SLC1A3: variants seen among roughly 807,000 people sequenced by gnomAD.
The protein encoded by SLC1A3 is excitatory amino acid transporter 1.
SLC1A3 carries 21 observed loss-of-function variants against 48.1 expected under a neutral mutation model. That is an observed-to-expected ratio of 0.44 (90% confidence interval 0.31 to 0.63). The LOEUF is 0.63. Among genes scored for constraint, SLC1A3 ranks in the 20% least tolerant of loss-of-function variants. The pLI is 0.08. For missense variants in SLC1A3, 546 were observed against 689.0 expected (o/e 0.79, Z 2.32); for synonymous variants, 239 against 251.4 (o/e 0.95, Z 0.47).
chr5:36,685,424 C>T (rs1198900276), intron 9 of SLC1A3, among the ~76,000 whole-genome samples: 3 of 152,196 alleles, frequency 2.0e-5, no homozygotes, highest in Middle Eastern at 3.4e-3. Flanking sequence ...TTAGAGGCGC[C>T]CGCCACCACG....
At chr5:36,677,298 C>A in intron 6 of SLC1A3, 114 bp downstream of exon 6, 2 of 846,374 alleles carry the variant, frequency 2.4e-6, no homozygotes, top group South Asian at 1.6e-5. Context: ...AGTTATCTCA[C>A]TCTGGTAAGC....
rs1346862815 is a variant in SLC1A3 at position 36,680,451 on chromosome 5, A to C, written c.1151A>C (p.Lys384Thr). 2 of 1,614,222 alleles carry C rather than the reference A, an allele frequency of 1.2e-6. No homozygotes were observed. The highest frequency in any genetic ancestry group is 1.1e-5 in the South Asian group (1 of 91,086). The change falls in exon 8 of 10, where the codon AAG becomes ACG. Residue 384 changes from lysine (K) to threonine (T), a missense_variant. By Grantham distance (78) the Lys-to-Thr change is moderately conservative. Transcript: ENST00000265113. ...KCLEENNGVD[K>T]RVTRFVLPVG... Reference sequence around the variant, plus strand: ...CTGGAAGAGAACAATGGCGTGGACAAGCGCGTCACCAGATTCGTGCTCCCC... The same window carrying C: ...CTGGAAGAGAACAATGGCGTGGACACGCGCGTCACCAGATTCGTGCTCCCC...
Position 36,679,633 on chromosome 5 carries a change from C to T in SLC1A3, c.867C>T (p.Ala289=). The T allele has an allele frequency of 6.2e-7, 1 of 1,611,762 alleles. No homozygotes were observed. The highest frequency in any genetic ancestry group is 1.1e-5 in the South Asian group (1 of 91,016). The change falls in exon 7 of 10, where the codon GCC becomes GCT. Residue 289 remains alanine, a synonymous_variant. Transcript: ENST00000265113. ...MRLVAVIMWY[A]PVGILFLIAG... ...TGGTGTTGCTTCTCCCCAGGTATGC[C>T]CCCGTGGGTATTCTCTTCCTGATTG...
intron 3 of SLC1A3, chr5:36,669,921 C>G (rs1290583667): frequency 2.0e-5 from 3 of 150,648 alleles, no homozygotes; most frequent in Admixed American, 6.6e-5. Context: ...ACAGCATAAC[C>G]TTTTAATACA....
chr5:36,676,814 AG>A, intron 5 of SLC1A3, 77 bp from the exon 6 acceptor site: 5 of 1,106,906 alleles, frequency 4.5e-6, no homozygotes, highest in Non-Finnish European at 5.2e-6. Flanking sequence ...TAATCATTTT[AG>A]AAAATTTGAC....
intron 2 of SLC1A3, among the ~76,000 whole-genome samples, chr5:36,610,354 C>T (rs1739143763): frequency 6.6e-6 from 1 of 152,200 alleles, no homozygotes; most frequent in Non-Finnish European, 1.5e-5. Context: ...TACAGTTCTC[C>T]TATAGACCAT....
intron 2 of SLC1A3, chr5:36,609,076 G>A (rs561222784): frequency 2.5e-5 from 25 of 988,930 alleles, no homozygotes; most frequent in Non-Finnish European, 3.0e-5. Context: ...CTTAGGCACA[G>A]AGACCGAATA....
At chr5:36,673,480 T>C (rs1580030320) in intron 4 of SLC1A3, among the ~76,000 whole-genome samples, 1 of 152,276 alleles carries the variant, frequency 6.6e-6, no homozygotes, top group East Asian at 1.9e-4. Context: ...AAGTAACAAG[T>C]CCTGCCACAT....
rs6861465 is a variant in SLC1A3 at position 36,638,124 on chromosome 5, G to T, written c.319+8537G>T. 2.7e-3 allele frequency among the ~76,000 whole-genome samples: 406 copies of T among 152,254 alleles called. 6 individuals are homozygous for T. Among genetic ancestry groups the T allele is most frequent in the African/African-American group, 9.5e-3 (395 of 41,546 alleles). On this transcript the variant is annotated intron_variant, in intron 3 of 9. Transcript: ENST00000265113. Reference sequence around the variant, plus strand: ...GGCTTTCCCCTGCTAATACAGGGTCGCAGAGGTGTAGATACGTTTCCACCT... The same window carrying T: ...GGCTTTCCCCTGCTAATACAGGGTCTCAGAGGTGTAGATACGTTTCCACCT...
intron 2 of SLC1A3, among the ~76,000 whole-genome samples, chr5:36,615,148 C>T (rs1336713324): frequency 6.6e-6 from 1 of 152,108 alleles, no homozygotes; most frequent in East Asian, 1.9e-4. Context: ...ATGTCTGGGA[C>T]GCAGCTAAGA....
intron 9 of SLC1A3, 57 bp downstream of exon 9, chr5:36,684,055 C>G: frequency 6.2e-7 from 1 of 1,607,018 alleles, no homozygotes; most frequent in Non-Finnish European, 8.5e-7. Context: ...CTCTGTCACT[C>G]TAGGGCACCA....
Position 36,645,319 on chromosome 5 carries a change from C to CTTTTTTTTTTTTTTTTTTTTT in SLC1A3, c.319+15741_319+15761dup, listed in dbSNP as rs68027582. Among the ~76,000 whole-genome samples, 20 of 84,272 alleles carry CTTTTTTTTTTTTTTTTTTTTT rather than the reference C, an allele frequency of 2.4e-4. 10 individuals are homozygous for CTTTTTTTTTTTTTTTTTTTTT. The highest frequency in any genetic ancestry group is 3.3e-4 in the Non-Finnish European group (14 of 42,786). The allele number at this position is 84,272 out of a possible 152,430, so 55.3% of individuals were successfully genotyped here. A position where few individuals can be genotyped will look rare whatever the true frequency, so the allele number is the denominator to read the frequency against. ...ATCTTTGAGGACTGACTTCCGCTGCCTTTTTTTTTTTTTTTTTTTTTTTTT... is the reference window on the plus strand; with the variant it reads ...ATCTTTGAGGACTGACTTCCGCTGCCTTTTTTTTTTTTTTTTTTTTTTTTTTTTTTTTTTTTTTTTTTTTTT... On this transcript the variant is annotated intron_variant, in intron 3 of 9. Coordinates refer to ENST00000265113, the MANE Select transcript of SLC1A3 (RefSeq NM_004172.5).
chr5:36,611,771 C>G (rs1237376381), intron 2 of SLC1A3, among the ~76,000 whole-genome samples: 5 of 152,148 alleles, frequency 3.3e-5, no homozygotes, highest in Non-Finnish European at 7.4e-5. Context: ...GAAATTTCTC[C>G]CTTTGGACTG....
At chr5:36,629,402 CA>C in intron 2 of SLC1A3, 47 bp from the exon 3 acceptor site, 6 of 1,548,094 alleles carry the variant, frequency 3.9e-6, no homozygotes, top group Non-Finnish European at 5.3e-6. Context: ...CCTTCTGTTT[CA>C]AAAAAGACTC....
At chr5:36,622,241 G>T (rs2111723365) in intron 2 of SLC1A3, among the ~76,000 whole-genome samples, 1 of 152,292 alleles carries the variant, frequency 6.6e-6, no homozygotes, top group African/African-American at 2.4e-5. Context: ...GCCTCAGAAT[G>T]CGAGGTCTTT....
At chr5:36,655,286 G>C (rs1050227248) in intron 3 of SLC1A3, among the ~76,000 whole-genome samples, 1 of 152,168 alleles carries the variant, frequency 6.6e-6, no homozygotes, top group Non-Finnish European at 1.5e-5. Flanking sequence ...CTTTGCACTT[G>C]CATCTAGTGT....
At chr5:36,661,163 G>C (rs1024647164) in intron 3 of SLC1A3, among the ~76,000 whole-genome samples, 4 of 152,200 alleles carry the variant, frequency 2.6e-5, no homozygotes, top group Non-Finnish European at 1.5e-5. Flanking sequence ...TGTAATCTCA[G>C]CACTTTGGGA....
At chr5:36,612,999 C>A in intron 2 of SLC1A3, 1 of 358,942 alleles carries the variant, frequency 2.8e-6, no homozygotes, top group East Asian at 8.3e-5. Flanking sequence ...GGACTGCAGA[C>A]CAATGGCCCG....
intron 2 of SLC1A3, among the ~76,000 whole-genome samples, chr5:36,610,650 G>A (rs1018689325): frequency 3.3e-5 from 5 of 152,090 alleles, no homozygotes; most frequent in Admixed American, 6.5e-5. Context: ...CTAATAAAAA[G>A]AAGATAATGC....
Sources: gnomAD v4.1 joint callset for allele counts (sites outside exome capture counted in the v4.1 genomes callset) on GRCh38, gnomAD v4.1.1 for gene constraint, MANE v1.5 for transcripts, NCBI Gene and HGNC (gene_info 2026-07-23, HGNC 2026-07-21) for gene names.